Variants in ATRNL1 observed in about 807,000 individuals in gnomAD.
The protein encoded by ATRNL1 is attractin-like protein 1.
Under a neutral mutation model 182.7 loss-of-function variants are expected in ATRNL1, and 95 were observed. The observed-to-expected ratio is 0.52, with a 90% CI of 0.44 to 0.62. The LOEUF is 0.62. Ranked by LOEUF, ATRNL1 falls within the 20% of genes least tolerant of loss-of-function variation. The pLI is 0.00. For synonymous variants in ATRNL1, 576 were observed against 568.3 expected, an observed-to-expected ratio of 1.01 and a Z score of -0.19; for missense variants, 1,471 against 1,679.5, an observed-to-expected ratio of 0.88 and a Z score of 2.17.
intron 26 of ATRNL1, among the ~76,000 whole-genome samples, chr10:115,613,555 A>G (rs1484589919): frequency 6.6e-6 from 1 of 152,170 alleles, no homozygotes; most frequent in Non-Finnish European, 1.5e-5. Context: ...GAATTAGAAA[A>G]AATTCCTTCT....
At chr10:115,480,566 T>TG (rs1363839458) in intron 24 of ATRNL1, among the ~76,000 whole-genome samples, 2 of 151,158 alleles carry the variant, frequency 1.3e-5, no homozygotes, top group African/African-American at 4.8e-5. Flanking sequence ...ATGTATTAAC[T>TG]ATACTAATTA....
chr10:115,670,125 T>G (rs1323818479), intron 26 of ATRNL1, among the ~76,000 whole-genome samples: 3 of 152,100 alleles, frequency 2.0e-5, no homozygotes, highest in Non-Finnish European at 4.4e-5. Context: ...CTTTTAACAC[T>G]GTACATGTTA....
At chr10:115,897,033 A>G (rs1952225363) in intron 28 of ATRNL1, among the ~76,000 whole-genome samples, 1 of 152,196 alleles carries the variant, frequency 6.6e-6, no homozygotes. Context: ...ATCACTTAGA[A>G]TAAGTATCCC....
At chr10:115,523,895 A>G (rs982860139) in intron 25 of ATRNL1, among the ~76,000 whole-genome samples, 2 of 152,180 alleles carry the variant, frequency 1.3e-5, no homozygotes, top group Non-Finnish European at 2.9e-5. Flanking sequence ...GTCCATTTGC[A>G]TTGCTGTAAA....
chr10:115,870,133 T>C (rs1555105754), intron 28 of ATRNL1, among the ~76,000 whole-genome samples: 3 of 152,202 alleles, frequency 2.0e-5, no homozygotes, highest in African/African-American at 7.2e-5. Flanking sequence ...TATTGCTAAA[T>C]TGTTTTTCAG....
At chr10:115,711,301 TAAG>T (rs1335506307) in intron 26 of ATRNL1, among the ~76,000 whole-genome samples, 2 of 152,078 alleles carry the variant, frequency 1.3e-5, no homozygotes, top group African/African-American at 4.8e-5. Context: ...GCTTCCCAGA[TAAG>T]AAGTTATGAG....
At chr10:115,606,968 G>A (rs1050438775) in intron 26 of ATRNL1, among the ~76,000 whole-genome samples, 5 of 151,902 alleles carry the variant, frequency 3.3e-5, no homozygotes, top group Admixed American at 2.0e-4. Flanking sequence ...TCAGTGATGC[G>A]TGATAAAGTA....
chr10:115,491,307 G>C (rs1592732729), intron 24 of ATRNL1, among the ~76,000 whole-genome samples: 1 of 152,186 alleles, frequency 6.6e-6, no homozygotes, highest in African/African-American at 2.4e-5. Flanking sequence ...AGAGCTGTCA[G>C]GCAGTGATGT....
intron 20 of ATRNL1, among the ~76,000 whole-genome samples, chr10:115,398,164 T>A (rs562863596): frequency 6.6e-6 from 1 of 151,890 alleles, no homozygotes; most frequent in East Asian, 1.9e-4. Flanking sequence ...GTAAAAAAAA[T>A]GAACATTTTA....
At chr10:115,605,244 C>T (rs571009940) in intron 26 of ATRNL1, among the ~76,000 whole-genome samples, 52 of 152,078 alleles carry the variant, frequency 3.4e-4, no homozygotes, top group African/African-American at 1.1e-3. Context: ...CTTTTGTTCA[C>T]GAGGAACAAT....
intron 19 of ATRNL1, among the ~76,000 whole-genome samples, chr10:115,347,435 A>G (rs868993533): frequency 6.6e-6 from 1 of 152,164 alleles, no homozygotes. Flanking sequence ...ATTTTAATGT[A>G]GTAATGTCTA....
At chr10:115,860,244 T>C (rs1256490858) in intron 28 of ATRNL1, among the ~76,000 whole-genome samples, 1 of 152,180 alleles carries the variant, frequency 6.6e-6, no homozygotes, top group East Asian at 1.9e-4. Context: ...TAATTTGAAT[T>C]GAACCTTGAA....
chr10:115,318,336 G>A (rs1241138260), intron 18 of ATRNL1, among the ~76,000 whole-genome samples: 6 of 152,012 alleles, frequency 3.9e-5, no homozygotes, highest in Non-Finnish European at 7.4e-5. Flanking sequence ...TCAGGGAAAC[G>A]GGCCAGAATT....
intron 26 of ATRNL1, among the ~76,000 whole-genome samples, chr10:115,600,166 C>A (rs932130939): frequency 9.5e-4 from 145 of 151,938 alleles, no homozygotes; most frequent in East Asian, 3.9e-4. Context: ...TGTATTATAC[C>A]ACTTCGTTCA....
intron 27 of ATRNL1, among the ~76,000 whole-genome samples, chr10:115,803,229 A>G (rs546429679): frequency 5.9e-5 from 9 of 151,730 alleles, no homozygotes; most frequent in East Asian, 3.9e-4. Context: ...TACCTAGTAT[A>G]CTTACCTAAA....
At chr10:115,713,696 T>C (rs950704105) in intron 26 of ATRNL1, among the ~76,000 whole-genome samples, 4 of 114,300 alleles carry the variant, frequency 3.5e-5, no homozygotes, top group African/African-American at 1.3e-4. Context: ...TATCTATCTA[T>C]CTATCTATCA....
chr10:115,151,171 G>A (rs1393573501), intron 5 of ATRNL1, among the ~76,000 whole-genome samples: 6 of 152,056 alleles, frequency 3.9e-5, no homozygotes, highest in Non-Finnish European at 5.9e-5. Flanking sequence ...GAATAGTGCC[G>A]CAATAAACAT....
chr10:115,375,453 TC>T (rs1228673209), intron 19 of ATRNL1, among the ~76,000 whole-genome samples: 30 of 152,196 alleles, frequency 2.0e-4, no homozygotes, highest in East Asian at 1.9e-4. Flanking sequence ...GAAAATTTAA[TC>T]CATGTAAGTT....
chr10:115,525,685 T>G (rs1851174953), intron 25 of ATRNL1, among the ~76,000 whole-genome samples: 1 of 152,110 alleles, frequency 6.6e-6, no homozygotes, highest in African/African-American at 2.4e-5. Context: ...GCATTTCAAT[T>G]TCACTTGTAC....
Sources: gnomAD v4.1 joint callset for allele counts (sites outside exome capture counted in the v4.1 genomes callset) on GRCh38, gnomAD v4.1.1 for gene constraint, MANE v1.5 for transcripts, NCBI Gene and HGNC (gene_info 2026-07-23, HGNC 2026-07-21) for gene names.